Variants in LRP1B observed in about 807,000 individuals in gnomAD.
The protein encoded by LRP1B is LDL receptor related protein 1B.
Under a neutral mutation model 556.6 loss-of-function variants are expected in LRP1B, and 217 were observed. The ratio of observed to expected loss-of-function variants is 0.39; its 90% CI spans 0.35 to 0.44. The LOEUF (loss-of-function observed/expected upper bound fraction) is 0.44, where lower values mean the gene tolerates loss of function less well. Ranked by LOEUF, LRP1B falls within the 20% of genes least tolerant of loss-of-function variation. LRP1B has a pLI of 1.00. For missense variants in LRP1B, 5,053 were observed against 5,620.8 expected (o/e 0.90, Z 3.23); for synonymous variants, 2,047 against 1,865.8 (o/e 1.10, Z -2.50).
intron 11 of LRP1B, among the ~76,000 whole-genome samples, chr2:141,043,478 T>C (rs1007726622): frequency 6.6e-6 from 1 of 151,888 alleles, no homozygotes; most frequent in Admixed American, 6.6e-5. Flanking sequence ...AGAAAGCCTT[T>C]GTATTATGTA....
At chr2:140,887,757 A>G (rs544956699) in intron 23 of LRP1B, among the ~76,000 whole-genome samples, 22 of 152,324 alleles carry the variant, frequency 1.4e-4, no homozygotes, top group African/African-American at 4.8e-4. Flanking sequence ...GTATGCTAAA[A>G]CAAATGAAAA....
At chr2:141,572,521 A>G (rs1314917076) in intron 2 of LRP1B, among the ~76,000 whole-genome samples, 1 of 152,214 alleles carries the variant, frequency 6.6e-6, no homozygotes, top group Non-Finnish European at 1.5e-5. Flanking sequence ...AAACTGCATC[A>G]ACTAGTATGC....
intron 41 of LRP1B, among the ~76,000 whole-genome samples, chr2:140,625,336 A>G (rs1683617591): frequency 6.6e-6 from 1 of 152,218 alleles, no homozygotes; most frequent in Non-Finnish European, 1.5e-5. Context: ...AAAGTAATGG[A>G]AGGCAACACC....
chr2:140,932,377 T>C (rs759726585), intron 20 of LRP1B, among the ~76,000 whole-genome samples: 1 of 152,106 alleles, frequency 6.6e-6, no homozygotes, highest in Non-Finnish European at 1.5e-5. Context: ...TAAAGTTTTA[T>C]TGGAACCCTG....
At chr2:141,485,228 G>T (rs554503333) in intron 2 of LRP1B, among the ~76,000 whole-genome samples, 1 of 152,230 alleles carries the variant, frequency 6.6e-6, no homozygotes, top group Admixed American at 6.5e-5. Flanking sequence ...TGTCTTGGTT[G>T]CCAGGACTAC....
At chr2:140,955,575 T>C (rs1573919075) in intron 18 of LRP1B, among the ~76,000 whole-genome samples, 1 of 151,962 alleles carries the variant, frequency 6.6e-6, no homozygotes, top group East Asian at 1.9e-4. Context: ...TCTTGGTAGT[T>C]ACTTAAACCT....
At chr2:140,600,580 C>T (rs1279426152) in intron 42 of LRP1B, among the ~76,000 whole-genome samples, 5 of 151,902 alleles carry the variant, frequency 3.3e-5, no homozygotes, top group African/African-American at 9.7e-5. Context: ...ACACCTAAAA[C>T]GAACTCTTCT....
chr2:141,682,937 C>A (rs1691156528), intron 2 of LRP1B, among the ~76,000 whole-genome samples: 1 of 152,104 alleles, frequency 6.6e-6, no homozygotes, highest in Non-Finnish European at 1.5e-5. Context: ...TGCATAGCAT[C>A]TACTTATAAT....
At position 140,825,743 on chromosome 2, in the gene LRP1B, G is replaced by A. The variant is rs148218031; in HGVS notation, c.5210-11937C>T. ...AACAGAGCTCGTATTTAGATTATAG[G>A]TAAACAATTATGGAAATCAACATTT... On this transcript the variant is annotated intron_variant, in intron 31 of 90. Transcript: ENST00000389484. Among the ~76,000 whole-genome samples the A allele has an allele frequency of 2.6e-5, 4 of 152,074 alleles. No homozygotes were observed. The East Asian group carries it at 7.7e-4, about 29-fold the overall frequency.
rs1172571633 is a variant in LRP1B, at chr2:140,743,982, AAAAAAAAAAGT to A, written c.5758+25220_5758+25230del. Among the ~76,000 whole-genome samples, 1,329 of 45,370 alleles carry A rather than the reference AAAAAAAAAAGT, an allele frequency of 0.029. 196 individuals are homozygous for A. In the East Asian group the frequency reaches 0.36, roughly 12 times the overall value. The allele number at this position is 45,370 out of a possible 152,430, so 29.8% of individuals were successfully genotyped here. On this transcript the variant is annotated intron_variant, in intron 35 of 90. Transcript: ENST00000389484. ...CTTGGTCTCAAAAAAAAAAAAAAAA[AAAAAAAAAAGT>A]AAAAAGTAAAATCCATAGACATAGA...
At chr2:141,212,185 C>T (rs1682583886) in intron 6 of LRP1B, among the ~76,000 whole-genome samples, 1 of 137,936 alleles carries the variant, frequency 7.2e-6, no homozygotes, top group South Asian at 2.4e-4. Context: ...AAATCAGTTA[C>T]TGCAGCAAAA....
intron 3 of LRP1B, among the ~76,000 whole-genome samples, chr2:141,393,560 T>C (rs1034228897): frequency 2.0e-5 from 3 of 152,198 alleles, no homozygotes; most frequent in Admixed American, 6.5e-5. Flanking sequence ...CATCAAGCAT[T>C]CGTCTTCATC....
intron 2 of LRP1B, among the ~76,000 whole-genome samples, chr2:141,717,151 A>C (rs529066708): frequency 6.6e-6 from 1 of 152,288 alleles, no homozygotes; most frequent in Admixed American, 6.5e-5. Flanking sequence ...CTTGCCCAGC[A>C]CTAACCCAAA....
intron 2 of LRP1B, among the ~76,000 whole-genome samples, chr2:141,644,141 TTTTCCTCTCTATTAG>T (rs1011531252): frequency 1.3e-5 from 2 of 152,018 alleles, no homozygotes; most frequent in African/African-American, 4.8e-5. Context: ...ACAATGATAG[TTTTCCTCTCTATTAG>T]TGATGTGGTT....
chr2:141,786,287 T>A (rs1475424817), intron 2 of LRP1B, among the ~76,000 whole-genome samples: 1 of 151,964 alleles, frequency 6.6e-6, no homozygotes, highest in East Asian at 1.9e-4. Flanking sequence ...ATAACTGACA[T>A]ATTTGAGTAT....
At chr2:140,862,471 T>C (rs1692827989) in intron 27 of LRP1B, among the ~76,000 whole-genome samples, 1 of 152,198 alleles carries the variant, frequency 6.6e-6, no homozygotes, top group South Asian at 2.1e-4. Flanking sequence ...ATTATTATTA[T>C]TTGGCCTTTC....
intron 3 of LRP1B, among the ~76,000 whole-genome samples, chr2:141,470,759 GA>G (rs1301553640): frequency 6.6e-6 from 1 of 152,130 alleles, no homozygotes; most frequent in African/African-American, 2.4e-5. Flanking sequence ...CCTCACAGTT[GA>G]GGTCGAGTAG....
intron 2 of LRP1B, among the ~76,000 whole-genome samples, chr2:141,624,113 G>T (rs400197): frequency 0.96 from 143,426 of 149,952 alleles, 68,615 homozygotes; most frequent in East Asian, 0.99. Flanking sequence ...AATTAGTAAA[G>T]GGTATATGTA....
chr2:141,729,679 G>A (rs1451667747), intron 2 of LRP1B, among the ~76,000 whole-genome samples: 1 of 152,076 alleles, frequency 6.6e-6, no homozygotes, highest in South Asian at 2.1e-4. Flanking sequence ...GATCTAAATT[G>A]CTTTCATCTT....
Sources: allele counts gnomAD v4.1 joint callset (sites outside exome capture counted in the v4.1 genomes callset), GRCh38; gene constraint gnomAD v4.1.1; transcripts MANE v1.5; gene names NCBI Gene and HGNC (gene_info 2026-07-23, HGNC 2026-07-21).